The following HECW1 variants were observed in gnomAD, a reference collection of about 807,000 sequenced individuals.
The protein encoded by HECW1 is E3 ubiquitin-protein ligase HECW1.
HECW1 carries 61 observed loss-of-function variants against 182.3 expected under a neutral mutation model. The observed-to-expected ratio is 0.33, with a 90% CI of 0.27 to 0.41. HECW1 has a LOEUF of 0.41. Ranked by LOEUF, HECW1 falls within the 10% of genes least tolerant of loss-of-function variation. HECW1 has a pLI of 1.00. For synonymous variants in HECW1, 859 were observed against 832.6 expected (o/e 1.03, Z -0.55); for missense variants, 1,739 against 2,108.9 (o/e 0.82, Z 3.44).
intron 3 of HECW1, among the ~76,000 whole-genome samples, chr7:43,273,522 T>G (rs1250031937): frequency 1.3e-5 from 2 of 152,142 alleles, no homozygotes; most frequent in Admixed American, 6.6e-5. Context: ...AGTTAACTAC[T>G]TTGAAAAAAA....
chr7:43,525,557 A>T (rs920283489), intron 24 of HECW1, among the ~76,000 whole-genome samples: 4 of 152,238 alleles, frequency 2.6e-5, no homozygotes, highest in African/African-American at 9.6e-5. Context: ...AGTTATTCTC[A>T]ATTAAAAATA....
At chr7:43,238,005 G>A (rs77130339) in intron 2 of HECW1, among the ~76,000 whole-genome samples, 3,136 of 152,206 alleles carry the variant, frequency 0.021, 112 homozygotes, top group African/African-American at 0.071. Flanking sequence ...CCATCATATT[G>A]CTTTTTGTAA....
intron 8 of HECW1, among the ~76,000 whole-genome samples, chr7:43,410,608 T>A (rs1584806608): frequency 6.6e-6 from 1 of 152,230 alleles, no homozygotes; most frequent in African/African-American, 2.4e-5. Context: ...TTATTATTTC[T>A]TCCTTAAATG....
chr7:43,507,995 TCAC>T lies in HECW1; in HGVS notation c.3753-18_3753-16del, dbSNP rs756666355. On this transcript the variant is annotated intron_variant, in intron 22 of 29. Coordinates refer to ENST00000395891, the MANE Select transcript of HECW1 (RefSeq NM_015052.5). ...AGCATCCTGACTTCAGGGCCACTGCTCACCACCCCTTCTCCTTCTCAGGCTCAT... is the reference window on the plus strand; with the variant it reads ...AGCATCCTGACTTCAGGGCCACTGCTCACCCCTTCTCCTTCTCAGGCTCAT... The T allele has an allele frequency of 1.9e-6, 3 of 1,573,988 alleles. No individual in the cohort carries two copies. The highest frequency in any genetic ancestry group is 2.6e-6 in the Non-Finnish European group (3 of 1,143,620).
At chr7:43,223,306 A>G (rs1176922238) in intron 2 of HECW1, among the ~76,000 whole-genome samples, 2 of 152,162 alleles carry the variant, frequency 1.3e-5, no homozygotes, top group Admixed American at 6.5e-5. Flanking sequence ...CATCTTCAGT[A>G]TATCCACAGC....
chr7:43,254,994 G>A (rs576250942), intron 3 of HECW1, among the ~76,000 whole-genome samples: 1 of 152,290 alleles, frequency 6.6e-6, no homozygotes, highest in African/African-American at 2.4e-5. Flanking sequence ...GCTGGGCTGT[G>A]CAATAGCTAC....
At chr7:43,538,602 A>C (rs957170548) in intron 24 of HECW1, among the ~76,000 whole-genome samples, 6 of 152,188 alleles carry the variant, frequency 3.9e-5, no homozygotes, top group Admixed American at 6.5e-5. Flanking sequence ...ACAGAGGAAA[A>C]GGCCTGGTCT....
intron 4 of HECW1, among the ~76,000 whole-genome samples, chr7:43,318,356 A>G (rs1333109859): frequency 6.6e-6 from 1 of 152,264 alleles, no homozygotes; most frequent in African/African-American, 2.4e-5. Flanking sequence ...AAGATGTATT[A>G]TGCAATCTTC....
chr7:43,404,440 C>T (rs567612976), intron 7 of HECW1, among the ~76,000 whole-genome samples: 1 of 152,164 alleles, frequency 6.6e-6, no homozygotes, highest in South Asian at 2.1e-4. Flanking sequence ...TAATAAGGCT[C>T]ATCTGGAACA....
At chr7:43,358,579 G>A (rs1815451572) in intron 5 of HECW1, among the ~76,000 whole-genome samples, 1 of 151,982 alleles carries the variant, frequency 6.6e-6, no homozygotes, top group South Asian at 2.1e-4. Flanking sequence ...CAATTAAATG[G>A]CTTCAAAAAA....
intron 3 of HECW1, among the ~76,000 whole-genome samples, chr7:43,292,957 C>T (rs1324343244): frequency 3.3e-5 from 5 of 151,996 alleles, no homozygotes; most frequent in Non-Finnish European, 5.9e-5. Flanking sequence ...AATGAAAGTA[C>T]GTCACACCTG....
At chr7:43,232,935 C>A (rs1584091693) in intron 2 of HECW1, among the ~76,000 whole-genome samples, 2 of 152,228 alleles carry the variant, frequency 1.3e-5, no homozygotes, top group Middle Eastern at 6.8e-3. Context: ...TGTTTCATGA[C>A]ACTCATGCTT....
At chr7:43,552,965 C>T (rs535196550) in intron 28 of HECW1, among the ~76,000 whole-genome samples, 1 of 152,270 alleles carries the variant, frequency 6.6e-6, no homozygotes, top group Admixed American at 6.5e-5. Flanking sequence ...AGAGAACATT[C>T]CATCCAGGAC....
chr7:43,307,998 AAT>A (rs991687982), intron 3 of HECW1, among the ~76,000 whole-genome samples: 24 of 117,578 alleles, frequency 2.0e-4, no homozygotes, highest in Admixed American at 1.2e-3. Flanking sequence ...TATAATATAT[AAT>A]ATATAATATA....
At chr7:43,130,542 A>T (rs1432392040) in intron 2 of HECW1, among the ~76,000 whole-genome samples, 1 of 152,210 alleles carries the variant, frequency 6.6e-6, no homozygotes, top group Non-Finnish European at 1.5e-5. Context: ...AATGATAAGT[A>T]ATCATTTTCT....
chr7:43,190,748 TG>T, intron 2 of HECW1, among the ~76,000 whole-genome samples: 1 of 152,330 alleles, frequency 6.6e-6, no homozygotes, highest in East Asian at 1.9e-4. Flanking sequence ...CTTCCCAGAA[TG>T]CTCTCCCTCC....
intron 29 of HECW1, among the ~76,000 whole-genome samples, chr7:43,559,542 G>T (rs1485470120): frequency 6.6e-6 from 1 of 152,148 alleles, no homozygotes; most frequent in Non-Finnish European, 1.5e-5. Context: ...ACCCTTTGAG[G>T]TGCACGCAGC....
intron 5 of HECW1, among the ~76,000 whole-genome samples, chr7:43,341,146 C>G (rs1378991987): frequency 6.6e-6 from 1 of 151,426 alleles, no homozygotes; most frequent in Non-Finnish European, 1.5e-5. Flanking sequence ...ATATCACACC[C>G]CAGGGTCTGT....
At chr7:43,485,662 C>A (rs1460479720) in intron 17 of HECW1, among the ~76,000 whole-genome samples, 1 of 152,076 alleles carries the variant, frequency 6.6e-6, no homozygotes, top group Non-Finnish European at 1.5e-5. Flanking sequence ...CTAAACATAT[C>A]TAAACATAGA....
Sources: allele counts gnomAD v4.1 joint callset (sites outside exome capture counted in the v4.1 genomes callset), GRCh38; gene constraint gnomAD v4.1.1; transcripts MANE v1.5; gene names NCBI Gene and HGNC (gene_info 2026-07-23, HGNC 2026-07-21).